The following GRID2 variants were observed in gnomAD, a reference collection of about 807,000 sequenced individuals.
The protein encoded by GRID2 is glutamate ionotropic receptor delta type subunit 2.
A neutral mutation model predicts 114.8 loss-of-function variants in GRID2; 33 were observed. The observed-to-expected ratio is 0.29, with a 90% CI of 0.22 to 0.38. The LOEUF is 0.38. Ranked by LOEUF, GRID2 falls within the 10% of genes least tolerant of loss-of-function variation. The pLI is 1.00. For missense variants in GRID2, 1,184 were observed against 1,257.7 expected, an observed-to-expected ratio of 0.94 and a Z score of 0.89; for synonymous variants, 505 against 449.9, an observed-to-expected ratio of 1.12 and a Z score of -1.55.
intron 9 of GRID2, among the ~76,000 whole-genome samples, chr4:93,399,111 C>A (rs2149335513): frequency 6.6e-6 from 1 of 152,110 alleles, no homozygotes; most frequent in South Asian, 2.1e-4. Context: ...ATGTTGTCAC[C>A]TAAACGCAAC....
At chr4:92,979,715 T>C (rs1450223728) in intron 2 of GRID2, among the ~76,000 whole-genome samples, 1 of 152,150 alleles carries the variant, frequency 6.6e-6, no homozygotes, top group Non-Finnish European at 1.5e-5. Flanking sequence ...TTACAAGCCA[T>C]AGTTCTGCAT....
At chr4:92,578,734 A>ATCTATCTG (rs199521045) in intron 1 of GRID2, among the ~76,000 whole-genome samples, 556 of 131,740 alleles carry the variant, frequency 4.2e-3, no homozygotes, top group Non-Finnish European at 7.2e-3. Context: ...CTATCTATCA[A>ATCTATCTG]TCTATCTATC....
At chr4:93,089,822 C>T (rs1450249283) in intron 3 of GRID2, among the ~76,000 whole-genome samples, 1 of 152,218 alleles carries the variant, frequency 6.6e-6, no homozygotes, top group East Asian at 1.9e-4. Flanking sequence ...TATAGAGAGA[C>T]TTTATTACTC....
Position 93,047,215 on chromosome 4 carries a change from G to T in GRID2, c.245-37780G>T, listed in dbSNP as rs1031201613. On this transcript the variant is annotated intron_variant, in intron 2 of 15. Transcript: ENST00000282020. ...TGTGGGAAACTGCCACATCCAAGAG[G>T]AGCATAAAGAGATATTCCAGCTAAA... Among the ~76,000 whole-genome samples, 11 of 152,170 alleles carry T rather than the reference G, an allele frequency of 7.2e-5. No individual in the cohort carries two copies. In the South Asian group the frequency reaches 1.0e-3, roughly 14 times the overall value.
At chr4:93,394,557 G>A (rs1056600465) in intron 8 of GRID2, among the ~76,000 whole-genome samples, 4 of 151,722 alleles carry the variant, frequency 2.6e-5, no homozygotes, top group Non-Finnish European at 5.9e-5. Flanking sequence ...CAGACAAACC[G>A]CAATAAAAAG....
At chr4:93,183,278 T>C (rs1740077612) in intron 4 of GRID2, among the ~76,000 whole-genome samples, 1 of 152,212 alleles carries the variant, frequency 6.6e-6, no homozygotes. Flanking sequence ...GACAGTCTTT[T>C]TACCTTTTAT....
At position 92,304,585 on chromosome 4, in the gene GRID2, A is replaced by G. The variant is rs1291302197; in HGVS notation, c.-72A>G. ...GCGCTAAACTCCACCGTGACCTCAA[A>G]CTCTTTGGACTGTTTGAAAAAAAAA... is the stretch of plus-strand genomic sequence containing the variant. On this transcript the variant is annotated 5_prime_UTR_variant, in exon 1 of 16. Coordinates refer to ENST00000282020, the MANE Select transcript of GRID2 (RefSeq NM_001510.4). 3 of 997,142 alleles carry G rather than the reference A, an allele frequency of 3.0e-6. No homozygotes were observed. Among genetic ancestry groups the G allele is most frequent in the African/African-American group, 3.2e-5 (2 of 62,306 alleles). The allele number at this position is 997,142 out of a possible 1,614,324, so 61.8% of individuals were successfully genotyped here.
At chr4:92,684,945 A>G (rs998107767) in intron 2 of GRID2, among the ~76,000 whole-genome samples, 6 of 152,056 alleles carry the variant, frequency 3.9e-5, no homozygotes, top group Non-Finnish European at 8.8e-5. Flanking sequence ...AGTGTCTGAC[A>G]TGAATGTCTT....
intron 2 of GRID2, among the ~76,000 whole-genome samples, chr4:92,893,575 A>G (rs547344006): frequency 6.6e-6 from 1 of 152,292 alleles, no homozygotes; most frequent in Non-Finnish European, 1.5e-5. Context: ...ATTATAACAT[A>G]GTAGCCCATG....
chr4:92,917,817 T>C (rs1748937361), intron 2 of GRID2, among the ~76,000 whole-genome samples: 1 of 152,174 alleles, frequency 6.6e-6, no homozygotes, highest in African/African-American at 2.4e-5. Context: ...GGCTTAGGAT[T>C]GACATGGCAA....
chr4:93,683,074 A>T (rs912425345), intron 14 of GRID2, among the ~76,000 whole-genome samples: 7 of 152,056 alleles, frequency 4.6e-5, no homozygotes, highest in Admixed American at 3.9e-4. Flanking sequence ...AACATTTTTA[A>T]GGTCATACAT....
At chr4:93,663,729 C>T (rs1723703915) in intron 14 of GRID2, among the ~76,000 whole-genome samples, 1 of 152,072 alleles carries the variant, frequency 6.6e-6, no homozygotes, top group African/African-American at 2.4e-5. Context: ...ACGTTTCTTC[C>T]AGTTTTTCTG....
intron 4 of GRID2, among the ~76,000 whole-genome samples, chr4:93,175,879 A>T (rs928190109): frequency 1.3e-5 from 2 of 152,292 alleles, no homozygotes; most frequent in Non-Finnish European, 2.9e-5. Flanking sequence ...AATCCAACAA[A>T]GCACCATGTG....
intron 2 of GRID2, among the ~76,000 whole-genome samples, chr4:92,872,063 C>A (rs893209488): frequency 3.9e-5 from 6 of 151,982 alleles, no homozygotes; most frequent in African/African-American, 1.4e-4. Context: ...ATAGGTTAAA[C>A]TTTGCATTTG....
intron 4 of GRID2, among the ~76,000 whole-genome samples, chr4:93,204,679 G>T (rs1244051181): frequency 6.6e-6 from 1 of 152,036 alleles, no homozygotes; most frequent in African/African-American, 2.4e-5. Context: ...GAAGAGCCAT[G>T]GGTAAATCTC....
At chr4:92,943,089 T>A (rs1578551845) in intron 2 of GRID2, among the ~76,000 whole-genome samples, 1 of 152,206 alleles carries the variant, frequency 6.6e-6, no homozygotes, top group African/African-American at 2.4e-5. Flanking sequence ...TGGTGTTCTC[T>A]GTACTTCCTG....
intron 7 of GRID2, among the ~76,000 whole-genome samples, chr4:93,231,981 A>G (rs2149502284): frequency 6.6e-6 from 1 of 152,310 alleles, no homozygotes; most frequent in Middle Eastern, 3.4e-3. Context: ...CTTAGGATAT[A>G]TAAAGCTATG....
At chr4:92,475,179 C>A (rs1282223818) in intron 1 of GRID2, among the ~76,000 whole-genome samples, 2 of 149,044 alleles carry the variant, frequency 1.3e-5, no homozygotes, top group Admixed American at 6.7e-5. Context: ...TTGACTTAAT[C>A]CCATTTGCCT....
intron 1 of GRID2, among the ~76,000 whole-genome samples, chr4:92,586,624 G>A (rs1172377368): frequency 6.6e-6 from 1 of 151,738 alleles, no homozygotes; most frequent in Admixed American, 6.6e-5. Flanking sequence ...TTTTACATAT[G>A]ACACTTCACA....
Sources: allele counts gnomAD v4.1 joint callset (sites outside exome capture counted in the v4.1 genomes callset), GRCh38; gene constraint gnomAD v4.1.1; transcripts MANE v1.5; gene names NCBI Gene and HGNC (gene_info 2026-07-23, HGNC 2026-07-21).